INTS8: variants seen among roughly 807,000 people sequenced by gnomAD.
The protein encoded by INTS8 is integrator complex subunit 8, also known as protein kaonashi-1.
INTS8 carries 47 observed loss-of-function variants against 138.9 expected under a neutral mutation model. That is an observed-to-expected ratio of 0.34 (90% CI 0.27 to 0.43). The LOEUF is 0.43. Among genes scored for constraint, INTS8 ranks in the 20% least tolerant of loss-of-function variants. INTS8 has a pLI of 1.00. For missense variants in INTS8, 996 were observed against 1,173.0 expected (o/e 0.85, Z 2.20); for synonymous variants, 392 against 400.9 (o/e 0.98, Z 0.27).
intron 17 of INTS8, among the ~76,000 whole-genome samples, 194 bp from the exon 18 acceptor site, chr8:94,865,964 A>G (rs370526428): frequency 1.6e-3 from 241 of 152,374 alleles, no homozygotes; most frequent in African/African-American, 5.5e-3. Context: ...AAGGTTGGAT[A>G]GTATTGAAGA....
At chr8:94,848,035 G>A (rs1457976122) in intron 10 of INTS8, among the ~76,000 whole-genome samples, 1 of 101,170 alleles carries the variant, frequency 9.9e-6, no homozygotes, top group Non-Finnish European at 2.2e-5. Context: ...TTGAGATGGA[G>A]TCTCTCTCTG....
At chr8:94,838,873 T>C (rs1006508086) in intron 8 of INTS8, among the ~76,000 whole-genome samples, 1 of 152,236 alleles carries the variant, frequency 6.6e-6, no homozygotes, top group Admixed American at 6.5e-5. Flanking sequence ...ATCTTAAAGG[T>C]ATAGAGTTGG....
At chr8:94,843,556 G>C (rs1241597795) in intron 10 of INTS8, among the ~76,000 whole-genome samples, 1 of 150,994 alleles carries the variant, frequency 6.6e-6, no homozygotes, top group Non-Finnish European at 1.5e-5. Context: ...AACAGTGAGA[G>C]ACTCCATCTC....
intron 10 of INTS8, among the ~76,000 whole-genome samples, chr8:94,844,134 G>C (rs929362048): frequency 5.3e-5 from 8 of 151,326 alleles, no homozygotes; most frequent in African/African-American, 1.9e-4. Context: ...CGCCTCCCAG[G>C]TTCAAGCGAT....
chr8:94,867,488 TATC>T lies in INTS8; in HGVS notation c.2414+152_2414+154del, dbSNP rs1254794891. The T allele has an allele frequency of 1.5e-5, 9 of 603,322 alleles. No individual in the cohort carries two copies. The African/African-American group carries it at 1.7e-4, about 11-fold the overall frequency. The allele number at this position is 603,322 out of a possible 1,614,324, so 37.4% of individuals were successfully genotyped here. Reference sequence around the variant, plus strand: ...GTTTCTCTATTATGATAATGATAATTATCTTCCTGTAAATTGTGGATAAGGCAT... The same window carrying T: ...GTTTCTCTATTATGATAATGATAATTTTCCTGTAAATTGTGGATAAGGCAT... On this transcript the variant is annotated intron_variant, in intron 20 of 26. Coordinates refer to ENST00000523731, the MANE Select transcript of INTS8 (RefSeq NM_017864.4).
intron 5 of INTS8, among the ~76,000 whole-genome samples, chr8:94,831,715 C>G (rs1471726159): frequency 2.6e-5 from 4 of 151,404 alleles, no homozygotes; most frequent in African/African-American, 7.3e-5. Context: ...CTCCTGATCT[C>G]GTGATCTGCC....
At chr8:94,823,613 C>T (rs1370783510) in intron 1 of INTS8, 52 bp downstream of exon 1, 25 of 1,403,600 alleles carry the variant, frequency 1.8e-5, no homozygotes, top group Non-Finnish European at 2.0e-5. Context: ...CGGCGCTGTC[C>T]GCCCAGCTTC....
rs75743804 is a variant in INTS8 at position 94,837,310 on chromosome 8, A to G, written c.861+679A>G. Among the ~76,000 whole-genome samples, 1,042 of 152,290 alleles carry G rather than the reference A, an allele frequency of 6.8e-3. 4 individuals carry two copies. Among genetic ancestry groups the G allele is most frequent in the African/African-American group, 0.024 (994 of 41,566 alleles). On this transcript the variant is annotated intron_variant, in intron 7 of 26. Coordinates refer to ENST00000523731, the MANE Select transcript of INTS8 (RefSeq NM_017864.4). The stretch of plus-strand genomic sequence containing the variant: ...TTTGCATTTTTCTTTTTTATGATTC[A>G]GATGACTGAATTGTAAACCTAGTAT...
chr8:94,851,167 T>A (rs1443580450), intron 12 of INTS8, among the ~76,000 whole-genome samples: 2 of 152,248 alleles, frequency 1.3e-5, no homozygotes, highest in East Asian at 3.8e-4. Context: ...TGTTTATTAC[T>A]CAAAATTAAC....
intron 2 of INTS8, 50 bp from the exon 3 acceptor site, chr8:94,827,213 G>C: frequency 6.5e-7 from 1 of 1,533,464 alleles, no homozygotes; most frequent in East Asian, 2.3e-5. Flanking sequence ...TATGTATTTT[G>C]TGTTTCTTTC....
In INTS8 at chr8:94,873,652, C is replaced by T. The variant is rs1157820962; in HGVS notation, c.2637+175C>T. 5.4e-6 allele frequency: 3 copies of T among 555,454 alleles called. No individual in the cohort carries two copies. The African/African-American group carries it at 5.7e-5, about 11-fold the overall frequency. The allele number at this position is 555,454 out of a possible 1,614,324, so 34.4% of individuals were successfully genotyped here. On this transcript the variant is annotated intron_variant, in intron 22 of 26. Transcript: ENST00000523731. ...TTGTCCTTATTTCTAGCACCTATTG[C>T]TGTCTTGATTCCCCCAAAACACCTC...
At position 94,881,509 on chromosome 8, in the gene INTS8, G is replaced by GTAAC. The variant is rs1563677907; in HGVS notation, c.*1277_*1280dup. On this transcript the variant is annotated 3_prime_UTR_variant, in exon 27 of 27. Coordinates refer to ENST00000523731, the MANE Select transcript of INTS8 (RefSeq NM_017864.4). ...TAAGTTTTAAAATCAGAATGGCAGTGTAACTTGTGAATTGGCTAGGGCAAT... is the reference window on the plus strand; with the variant it reads ...TAAGTTTTAAAATCAGAATGGCAGTGTAACTAACTTGTGAATTGGCTAGGGCAAT... The GTAAC allele has an allele frequency of 5.9e-6, 5 of 854,444 alleles. No homozygotes were observed. Among genetic ancestry groups the GTAAC allele is most frequent in the African/African-American group, 5.2e-5 (3 of 58,248 alleles). The allele number at this position is 854,444 out of a possible 1,614,324, so 52.9% of individuals were successfully genotyped here. A position where few individuals can be genotyped will look rare whatever the true frequency, so the allele number is the denominator to read the frequency against.
In INTS8 at chr8:94,881,709, C is replaced by T. The variant is rs1394610640; in HGVS notation, c.*1475C>T. The T allele has an allele frequency of 6.2e-7, 1 of 1,613,674 alleles. No homozygotes were observed. Among genetic ancestry groups the T allele is most frequent in the Non-Finnish European group, 8.5e-7 (1 of 1,179,754 alleles). On this transcript the variant is annotated 3_prime_UTR_variant, in exon 27 of 27. Transcript: ENST00000523731. ...CCATTGCACACTGGTGACAACTGTC[C>T]CCCTTTTCTGAAGGTGTTTATGTAA...
At chr8:94,825,994 AATTT>A (rs1311165099) in intron 2 of INTS8, among the ~76,000 whole-genome samples, 13 of 152,076 alleles carry the variant, frequency 8.5e-5, no homozygotes, top group African/African-American at 3.1e-4. Context: ...TTGTATGGGT[AATTT>A]ATTAACTGTT....
intron 6 of INTS8, among the ~76,000 whole-genome samples, chr8:94,836,004 T>G (rs556081420): frequency 6.6e-6 from 1 of 152,302 alleles, no homozygotes; most frequent in East Asian, 1.9e-4. Flanking sequence ...TGGGTATGCT[T>G]CTTTTAGACT....
At chr8:94,860,282 TAAA>T (rs11452775) in intron 16 of INTS8, 1 of 149,126 alleles carries the variant, frequency 6.7e-6, no homozygotes, top group African/African-American at 2.5e-5. Context: ...GTTTTACAGT[TAAA>T]AAAAAAACAA....
chr8:94,840,747 C>T (rs1163305130), intron 8 of INTS8, among the ~76,000 whole-genome samples: 6 of 151,624 alleles, frequency 4.0e-5, no homozygotes, highest in Admixed American at 6.6e-5. Context: ...TTAGTAGAGA[C>T]GGGATTTCAC....
In INTS8 at chr8:94,832,142, T is replaced by C. The variant is rs186708108; in HGVS notation, c.721T>C (p.Leu241=). Residue 241 remains leucine, a synonymous_variant, in exon 6 of 27, where the codon TTG becomes CTG. Transcript: ENST00000523731. ...NGETESSTAG[L]KVKTEEMQCQ... ...AGAAACTGAGAGTTCTACTGCTGGA[T>C]TGAAAGTCAAAACCGAAGAAATGCA... 6 of 1,612,604 alleles carry C rather than the reference T, an allele frequency of 3.7e-6. No homozygotes were observed. In the African/African-American group the frequency reaches 6.7e-5, roughly 18 times the overall value.
intron 10 of INTS8, 37 bp from the exon 11 acceptor site, chr8:94,849,425 G>A: frequency 3.1e-6 from 3 of 969,800 alleles, no homozygotes; most frequent in East Asian, 2.5e-5. Context: ...ATTTTTATAA[G>A]TACCCATATT....
Sources: allele counts gnomAD v4.1 joint callset (sites outside exome capture counted in the v4.1 genomes callset), GRCh38; gene constraint gnomAD v4.1.1; transcripts MANE v1.5; gene names NCBI Gene and HGNC (gene_info 2026-07-23, HGNC 2026-07-21).